Variants in CFAP20DC observed in about 807,000 individuals in gnomAD.
The protein encoded by CFAP20DC is CFAP20 domain containing.
A neutral mutation model predicts 101.7 loss-of-function variants in CFAP20DC; 84 were observed. The observed-to-expected ratio is 0.83, with a 90% CI of 0.69 to 0.99. CFAP20DC has a LOEUF of 0.99. Ranked by LOEUF, CFAP20DC falls within the 50% of genes least tolerant of loss-of-function variation. The probability of loss-of-function intolerance (pLI) is 0.00; values close to 1 mark genes in which losing one functional copy is unlikely to be tolerated. For synonymous variants in CFAP20DC, 359 were observed against 351.2 expected (o/e 1.02, Z -0.25); for missense variants, 1,007 against 970.3 (o/e 1.04, Z -0.50).
At chr3:58,823,065 C>T (rs751896594) in intron 14 of CFAP20DC, among the ~76,000 whole-genome samples, 1 of 152,154 alleles carries the variant, frequency 6.6e-6, no homozygotes, top group Non-Finnish European at 1.5e-5. Context: ...CCACTTTCCT[C>T]TCTTCATCAA....
chr3:58,719,368 C>A (rs1002445456), intron 3 of CFAP20DC, among the ~76,000 whole-genome samples: 1 of 152,180 alleles, frequency 6.6e-6, no homozygotes, highest in Admixed American at 6.5e-5. Flanking sequence ...CTGTCAACTT[C>A]GTGTGGGCAA....
At chr3:58,840,774 G>C (rs1222642852) in intron 13 of CFAP20DC, among the ~76,000 whole-genome samples, 1 of 152,204 alleles carries the variant, frequency 6.6e-6, no homozygotes, top group Non-Finnish European at 1.5e-5. Context: ...TAGGGGCTAG[G>C]TGTTCTACAT....
At chr3:58,757,605 C>T (rs1008066522) in intron 15 of CFAP20DC, among the ~76,000 whole-genome samples, 6 of 152,070 alleles carry the variant, frequency 3.9e-5, no homozygotes, top group Admixed American at 3.9e-4. Flanking sequence ...CCTTTCCCTA[C>T]AACCAAGTTC....
In CFAP20DC at chr3:59,015,428, G is replaced by T. The variant is rs2093668660; in HGVS notation, c.278+24129C>A. ...GGGCAAGAATAAAGATAGATGGAAG[G>T]GAAGAGAGGACAAAGAAGAAAAACA... On this transcript the variant is annotated intron_variant, in intron 4 of 16. Coordinates refer to ENST00000482387, the MANE Select transcript of CFAP20DC (RefSeq NM_001394063.1). The surrounding 1 kb of genome is among the most constrained non-coding windows in gnomAD (Gnocchi z 5.4). Among the ~76,000 whole-genome samples the T allele has an allele frequency of 1.3e-5, 2 of 151,526 alleles. No individual in the cohort carries two copies.
At chr3:58,993,154 G>T (rs148113138) in intron 4 of CFAP20DC, among the ~76,000 whole-genome samples, 1 of 152,050 alleles carries the variant, frequency 6.6e-6, no homozygotes, top group Non-Finnish European at 1.5e-5. Context: ...GAAATATTCC[G>T]TATATATTGA....
At chr3:58,726,703 GAA>G in intron 3 of CFAP20DC, 1 of 206,596 alleles carries the variant, frequency 4.8e-6, no homozygotes, top group Admixed American at 6.3e-5. Context: ...CACACCATCA[GAA>G]GAGATGAGAA....
chr3:58,919,543 C>T (rs976469565), intron 5 of CFAP20DC, among the ~76,000 whole-genome samples: 1 of 152,154 alleles, frequency 6.6e-6, no homozygotes, highest in Non-Finnish European at 1.5e-5. Flanking sequence ...CAAAAACAGC[C>T]TGCTGAGATT....
chr3:58,937,824 A>G, intron 4 of CFAP20DC, 62 bp from the exon 5 acceptor site: 1 of 883,596 alleles, frequency 1.1e-6, no homozygotes. Flanking sequence ...ACTTCTTTGG[A>G]TAATCATCAA....
intron 16 of CFAP20DC, among the ~76,000 whole-genome samples, chr3:58,750,867 C>T (rs1337323355): frequency 1.3e-5 from 2 of 152,114 alleles, no homozygotes; most frequent in Non-Finnish European, 2.9e-5. Context: ...AGTTTAAGAG[C>T]CACGGCATAA....
chr3:58,792,423 T>A (rs2072931325), intron 15 of CFAP20DC, among the ~76,000 whole-genome samples: 1 of 152,098 alleles, frequency 6.6e-6, no homozygotes, highest in South Asian at 2.1e-4. Context: ...TACATTAGGT[T>A]TTGAATATTA....
intron 3 of CFAP20DC, among the ~76,000 whole-genome samples, chr3:58,718,802 G>A (rs980963388): frequency 2.6e-5 from 4 of 152,174 alleles, no homozygotes; most frequent in Non-Finnish European, 5.9e-5. Context: ...GTATGCTAAG[G>A]AAAATCTTGT....
At position 58,866,569 on chromosome 3, in the gene CFAP20DC, A is replaced by C. The variant is rs1321076792; in HGVS notation, c.1255T>G (p.Ser419Ala). 6.2e-7 allele frequency: 1 copy of C among 1,606,054 alleles called. No individual in the cohort carries two copies. The highest frequency in any genetic ancestry group is 8.5e-7 in the Non-Finnish European group (1 of 1,177,276). The change falls in exon 11 of 17, where the codon TCA (serine) becomes GCA (alanine). Residue 419 changes from serine to alanine, a missense_variant. Coordinates refer to ENST00000482387, the MANE Select transcript of CFAP20DC (RefSeq NM_001394063.1). ...GTLGPQSPDQSDEWIFPENAD... is the reference protein window; with the variant it reads ...GTLGPQSPDQADEWIFPENAD... ...ATGGTGTAATAAAGATGCCAACCTG[A>C]TTGATCAGGAGACTGGGGTCCTAGA...
chr3:58,876,681 T>C (rs2108585146), intron 7 of CFAP20DC, among the ~76,000 whole-genome samples: 1 of 152,328 alleles, frequency 6.6e-6, no homozygotes, highest in East Asian at 1.9e-4. Context: ...ACATTCATTT[T>C]TGTCTCAAGA....
At chr3:58,951,606 A>G (rs1452503862) in intron 4 of CFAP20DC, among the ~76,000 whole-genome samples, 1 of 152,196 alleles carries the variant, frequency 6.6e-6, no homozygotes, top group Non-Finnish European at 1.5e-5. Context: ...TGTCATTTGT[A>G]GGGACATGGA....
At chr3:58,850,150 A>G (rs186933576) in intron 12 of CFAP20DC, among the ~76,000 whole-genome samples, 57 of 152,334 alleles carry the variant, frequency 3.7e-4, no homozygotes, top group African/African-American at 1.3e-3. Context: ...CATGAAATCA[A>G]TGGCAATGAA....
At chr3:58,739,514 C>T (rs1161068813), downstream of CFAP20DC, among the ~76,000 whole-genome samples, 4 of 152,336 alleles carry the variant, frequency 2.6e-5, no homozygotes, top group Non-Finnish European at 4.4e-5. Context: ...ACTAATAATA[C>T]AGGCTCTTCC....
intron 4 of CFAP20DC, among the ~76,000 whole-genome samples, chr3:59,000,552 C>T (rs2093279582): frequency 6.6e-6 from 1 of 152,096 alleles, no homozygotes; most frequent in African/African-American, 2.4e-5. Flanking sequence ...TTTGGAAATG[C>T]TGATGGAGGC....
intron 4 of CFAP20DC, among the ~76,000 whole-genome samples, chr3:58,976,725 T>C (rs564226338): frequency 6.6e-6 from 1 of 152,250 alleles, no homozygotes; most frequent in East Asian, 1.9e-4. Flanking sequence ...CATGTCTGCA[T>C]GGGTTTTCTC....
intron 6 of CFAP20DC, among the ~76,000 whole-genome samples, chr3:58,901,354 AG>A (rs2083128491): frequency 6.6e-6 from 1 of 152,214 alleles, no homozygotes; most frequent in African/African-American, 2.4e-5. Context: ...CTCTGGGGCA[AG>A]GCTTCCTGGG....
Sources: allele counts gnomAD v4.1 joint callset (sites outside exome capture counted in the v4.1 genomes callset), GRCh38; gene constraint gnomAD v4.1.1; non-coding constraint Gnocchi (gnomAD v3.1); transcripts MANE v1.5; gene names NCBI Gene and HGNC (gene_info 2026-07-23, HGNC 2026-07-21).